Variants in LRRTM4 observed in about 807,000 individuals in gnomAD.
The protein encoded by LRRTM4 is leucine rich repeat transmembrane neuronal 4.
In LRRTM4, 25 loss-of-function variants were observed where a neutral mutation model predicts 47.6. That is an observed-to-expected ratio of 0.53 (90% CI 0.38 to 0.73). LRRTM4 has a LOEUF of 0.73. Ranked by LOEUF, LRRTM4 falls within the 30% of genes least tolerant of loss-of-function variation. The pLI is 0.00. For synonymous variants in LRRTM4, 311 were observed against 269.5 expected, an observed-to-expected ratio of 1.15 and a Z score of -1.51; for missense variants, 638 against 713.4, an observed-to-expected ratio of 0.89 and a Z score of 1.20.
intron 3 of LRRTM4, among the ~76,000 whole-genome samples, chr2:77,029,494 T>C (rs1194958719): frequency 7.3e-5 from 11 of 151,474 alleles, no homozygotes; most frequent in Non-Finnish European, 1.0e-4. Context: ...GGGAGAAAGA[T>C]GAAGGCCAGA....
At chr2:77,306,961 G>A (rs1268620423) in intron 3 of LRRTM4, among the ~76,000 whole-genome samples, 4 of 139,664 alleles carry the variant, frequency 2.9e-5, no homozygotes, top group Non-Finnish European at 4.5e-5. Context: ...GTGCAGTGGC[G>A]CGATCTCGGC....
chr2:77,073,331 T>C (rs939621169), intron 3 of LRRTM4, among the ~76,000 whole-genome samples: 3 of 152,138 alleles, frequency 2.0e-5, no homozygotes, highest in Admixed American at 6.5e-5. Flanking sequence ...AGGCCAGAAA[T>C]TAAATACTAT....
chr2:76,776,700 T>G (rs567688511), intron 3 of LRRTM4, among the ~76,000 whole-genome samples: 3 of 143,086 alleles, frequency 2.1e-5, no homozygotes, highest in South Asian at 4.7e-4. Flanking sequence ...TTCTCCCATT[T>G]TGTAGGTTGC....
chr2:76,943,784 C>T (rs912719150), intron 3 of LRRTM4, among the ~76,000 whole-genome samples: 2 of 152,180 alleles, frequency 1.3e-5, no homozygotes, highest in African/African-American at 4.8e-5. Flanking sequence ...ATGTAATCCA[C>T]TCATGTGTTT....
intron 3 of LRRTM4, among the ~76,000 whole-genome samples, chr2:77,349,596 A>C (rs181270500): frequency 1.3e-3 from 201 of 152,212 alleles, no homozygotes; most frequent in African/African-American, 4.7e-3. Context: ...AAAGTTTATA[A>C]TAAAGAATAA....
At chr2:77,447,971 A>G (rs186606552) in intron 3 of LRRTM4, among the ~76,000 whole-genome samples, 1 of 152,310 alleles carries the variant, frequency 6.6e-6, no homozygotes, top group African/African-American at 2.4e-5. Flanking sequence ...CCCTTTTTAT[A>G]TAAAAAGCAG....
chr2:77,490,624 T>TAA (rs70956637), intron 3 of LRRTM4, among the ~76,000 whole-genome samples: 3 of 150,664 alleles, frequency 2.0e-5, no homozygotes, highest in African/African-American at 7.3e-5. Flanking sequence ...TCAAAAATAA[T>TAA]AAAAAAAAAC....
intron 3 of LRRTM4, among the ~76,000 whole-genome samples, chr2:76,899,064 T>C (rs868018644): frequency 2.0e-5 from 3 of 151,890 alleles, no homozygotes; most frequent in Non-Finnish European, 2.9e-5. Flanking sequence ...AGCTACACAG[T>C]TGAAGAAATA....
intron 3 of LRRTM4, among the ~76,000 whole-genome samples, chr2:76,777,160 A>C (rs1674053795): frequency 1.3e-5 from 2 of 150,570 alleles, no homozygotes; most frequent in Non-Finnish European, 3.0e-5. Context: ...TGGTTACTGT[A>C]GCCTTGCAGT....
At chr2:77,183,083 T>C (rs1003403286) in intron 3 of LRRTM4, among the ~76,000 whole-genome samples, 10 of 151,946 alleles carry the variant, frequency 6.6e-5, no homozygotes, top group Non-Finnish European at 1.3e-4. Context: ...AATTGACAAA[T>C]GGGATCTAAT....
intron 3 of LRRTM4, among the ~76,000 whole-genome samples, chr2:76,999,866 C>T (rs184346251): frequency 7.1e-4 from 108 of 152,230 alleles, no homozygotes; most frequent in African/African-American, 2.5e-3. Flanking sequence ...TGCTTCAACA[C>T]ACCATTTTTA....
chr2:76,763,644 T>G (rs2104089771), intron 3 of LRRTM4, among the ~76,000 whole-genome samples: 1 of 152,242 alleles, frequency 6.6e-6, no homozygotes, highest in Admixed American at 6.5e-5. Flanking sequence ...AGTGGAGTGC[T>G]GCTCCAAGAA....
chr2:76,868,889 T>C (rs984469620), intron 3 of LRRTM4, among the ~76,000 whole-genome samples: 4 of 152,182 alleles, frequency 2.6e-5, no homozygotes, highest in African/African-American at 7.2e-5. Flanking sequence ...TGTATTATTA[T>C]ACCTTTCCTG....
chr2:77,259,662 A>G (rs533022109), intron 3 of LRRTM4, among the ~76,000 whole-genome samples: 1 of 152,152 alleles, frequency 6.6e-6, no homozygotes, highest in Admixed American at 6.6e-5. Context: ...TTCCAAAGTG[A>G]CTGTTCCCTA....
intron 3 of LRRTM4, among the ~76,000 whole-genome samples, chr2:77,079,787 A>G (rs909183051): frequency 1.3e-5 from 2 of 152,170 alleles, no homozygotes; most frequent in Non-Finnish European, 2.9e-5. Flanking sequence ...TATTTATTAA[A>G]TAATAGAATG....
intron 3 of LRRTM4, among the ~76,000 whole-genome samples, chr2:77,407,647 A>G (rs1674252512): frequency 7.3e-6 from 1 of 136,618 alleles, no homozygotes; most frequent in Admixed American, 7.6e-5. Context: ...TATATAATAT[A>G]TATTATATAA....
chr2:77,089,755 G>T (rs1448380429), intron 3 of LRRTM4, among the ~76,000 whole-genome samples: 1 of 151,994 alleles, frequency 6.6e-6, no homozygotes, highest in Non-Finnish European at 1.5e-5. Flanking sequence ...CTGCAATGCC[G>T]CTTGACCCCA....
chr2:76,810,704 A>G (rs1443779883), intron 3 of LRRTM4, among the ~76,000 whole-genome samples: 1 of 152,156 alleles, frequency 6.6e-6, no homozygotes, highest in Non-Finnish European at 1.5e-5. Context: ...TTTAGTTTCT[A>G]TTTGTTTTAC....
chr2:76,791,747 TACAGATATACA>T lies in LRRTM4; in HGVS notation c.1552-42842_1552-42832del, dbSNP rs1483379671. On this transcript the variant is annotated intron_variant, in intron 3 of 3. Coordinates refer to ENST00000409884, the MANE Select transcript of LRRTM4 (RefSeq NM_001134745.3). ...AGAATCGACATGTAGAACTACATTCTACAGATATACAGCAGATAGGCTGCAGGTTTCAGAGG... is the reference window on the plus strand; with the variant it reads ...AGAATCGACATGTAGAACTACATTCTGCAGATAGGCTGCAGGTTTCAGAGG... Among the ~76,000 whole-genome samples the T allele has an allele frequency of 3.9e-5, 6 of 152,216 alleles. No individual in the cohort carries two copies. The East Asian group carries it at 1.2e-3, about 29-fold the overall frequency.
Sources: gnomAD v4.1 joint callset for allele counts (sites outside exome capture counted in the v4.1 genomes callset) on GRCh38, gnomAD v4.1.1 for gene constraint, MANE v1.5 for transcripts, NCBI Gene and HGNC (gene_info 2026-07-23, HGNC 2026-07-21) for gene names.